Variants in ANAPC13 observed in about 807,000 individuals in gnomAD.
ANAPC13 encodes anaphase promoting complex subunit 13, also known as anaphase-promoting complex subunit 13.
ANAPC13 carries 9 observed loss-of-function variants against 9.6 expected under a neutral mutation model. The observed-to-expected ratio is 0.94, with a 90% CI of 0.57 to 1.64. The LOEUF is 1.64. Among genes scored for constraint, ANAPC13 ranks in the 40% most tolerant of loss-of-function variants. The pLI, the probability that ANAPC13 is intolerant of heterozygous loss-of-function variation, is 0.00. For missense variants in ANAPC13, 75 were observed against 85.3 expected, an observed-to-expected ratio of 0.88 and a Z score of 0.48; for synonymous variants, 30 against 29.7, an observed-to-expected ratio of 1.01 and a Z score of -0.03.
intron 1 of ANAPC13, among the ~76,000 whole-genome samples, chr3:134,484,028 T>G (rs750484733): frequency 6.6e-6 from 1 of 152,240 alleles, no homozygotes; most frequent in Non-Finnish European, 1.5e-5. Flanking sequence ...AGTATGTTCA[T>G]GAGCTCCTGT....
intron 2 of ANAPC13, among the ~76,000 whole-genome samples, chr3:134,482,048 T>G (rs1257038877): frequency 6.6e-6 from 1 of 152,210 alleles, no homozygotes; most frequent in Non-Finnish European, 1.5e-5. Context: ...TAAATGAAAA[T>G]ACAGATGAAC....
At position 134,478,493 on chromosome 3, in the gene ANAPC13, T is replaced by G; in HGVS notation, c.*97A>C. The G allele has an allele frequency of 1.4e-6, 2 of 1,467,222 alleles. No homozygotes were observed. Among genetic ancestry groups the G allele is most frequent in the Non-Finnish European group, 1.8e-6 (2 of 1,086,282 alleles). The allele number at this position is 1,467,222 out of a possible 1,614,324, so 90.9% of individuals were successfully genotyped here. A position where few individuals can be genotyped will look rare whatever the true frequency, so the allele number is the denominator to read the frequency against. The stretch of plus-strand genomic sequence containing the variant: ...TAAATGGGTGTACATTTTTGAGTGC[T>G]GATTTATTACTCAAAGGTTTGAATT... On this transcript the variant is annotated 3_prime_UTR_variant, in exon 3 of 3. Transcript: ENST00000354910.
Position 134,485,969 on chromosome 3 carries a change from G to C in ANAPC13, c.-45C>G, listed in dbSNP as rs948115819. 4.1e-6 allele frequency: 4 copies of C among 971,640 alleles called. No homozygotes were observed. The highest frequency in any genetic ancestry group is 4.8e-5 in the South Asian group (1 of 20,634). 60.2% of individuals were successfully genotyped at this position (971,640 alleles called of 1,614,324 possible). On this transcript the variant is annotated 5_prime_UTR_variant, in exon 1 of 3. Transcript: ENST00000354910. ...ACCCTTACCGGCACCCGGCCACCGC[G>C]GCAGACGCTTGCTCCTGCCACGCCC...
At chr3:134,483,001 TC>T in intron 1 of ANAPC13, 70 bp from the exon 2 acceptor site, 1 of 1,094,022 alleles carries the variant, frequency 9.1e-7, no homozygotes, top group Non-Finnish European at 1.4e-6. Flanking sequence ...ATTAGGATTC[TC>T]CAGGCTTTTT....
chr3:134,481,395 C>T (rs1003606310), intron 2 of ANAPC13, among the ~76,000 whole-genome samples: 1 of 152,184 alleles, frequency 6.6e-6, no homozygotes, highest in Non-Finnish European at 1.5e-5. Context: ...AAACTCTGGG[C>T]CTTTACACAT....
rs564693141 is a variant in ANAPC13, at chr3:134,483,027, T to C, written c.-27-96A>G. On this transcript the variant is annotated intron_variant, in intron 1 of 2. Transcript: ENST00000354910. ...CCAGGCTTTTTAGTCTGGGGCCACC[T>C]TTTGGGAAAAGGTTCATTTTCTCAT... is the stretch of plus-strand genomic sequence containing the variant. 3.6e-6 allele frequency: 3 copies of C among 828,546 alleles called. No individual in the cohort carries two copies. The Admixed American group carries it at 6.5e-5, about 18-fold the overall frequency. 51.3% of individuals were successfully genotyped at this position (828,546 alleles called of 1,614,324 possible).
intron 1 of ANAPC13, chr3:134,483,183 C>T (rs1387050017): frequency 9.6e-6 from 4 of 414,776 alleles, no homozygotes; most frequent in African/African-American, 2.0e-5. Flanking sequence ...GAGAGCAACA[C>T]GTTAAACGAG....
In ANAPC13 at chr3:134,479,406, C is replaced by T. The variant is rs559126904; in HGVS notation, c.100-691G>A. 2.2e-4 allele frequency among the ~76,000 whole-genome samples: 33 copies of T among 152,098 alleles called. 1 individual carries two copies. Among genetic ancestry groups the T allele is most frequent in the Middle Eastern group, 6.8e-3 (2 of 294 alleles). ...AGGTTAGAGAGCAATGGCGTGATCT[C>T]GGCTCACCACAACCTCTGCCTCCCG... On this transcript the variant is annotated intron_variant, in intron 2 of 2. Coordinates refer to ENST00000354910, the MANE Select transcript of ANAPC13 (RefSeq NM_015391.4).
intron 1 of ANAPC13, 31 bp from the exon 2 acceptor site, chr3:134,482,962 C>G: frequency 7.2e-7 from 1 of 1,388,544 alleles, no homozygotes; most frequent in Non-Finnish European, 1.0e-6. Context: ...TTCTTAAACA[C>G]GAAGACTGAA....
rs547781314 is a variant in ANAPC13, at chr3:134,485,933, G to A, written c.-28+19C>T. ...CCCGCGCCTCCAAAACCTAGGCCGG[G>A]GGCGCTGGAAACCCTTACCGGCACC... On this transcript the variant is annotated intron_variant, in intron 1 of 2. Coordinates refer to ENST00000354910, the MANE Select transcript of ANAPC13 (RefSeq NM_015391.4). The A allele has an allele frequency of 2.3e-5, 22 of 966,516 alleles. No individual in the cohort carries two copies. In the African/African-American group the frequency reaches 3.5e-4, roughly 15 times the overall value. The allele number at this position is 966,516 out of a possible 1,614,324, so 59.9% of individuals were successfully genotyped here.
intron 1 of ANAPC13, 29 bp downstream of exon 1, chr3:134,485,923 C>T (rs1250244736): frequency 7.4e-6 from 7 of 951,640 alleles, no homozygotes; most frequent in East Asian, 2.3e-4. Flanking sequence ...GCCTCCAAAA[C>T]CTAGGCCGGG....
rs772895377 is a variant in ANAPC13, at chr3:134,478,552, A to G, written c.*38T>C. ...GAAACAAACCATGCTTTATCTGTGT[A>G]CTTTGAGAAAATCCATCCACAAGAA... On this transcript the variant is annotated 3_prime_UTR_variant, in exon 3 of 3. Coordinates refer to ENST00000354910, the MANE Select transcript of ANAPC13 (RefSeq NM_015391.4). 23 of 1,604,552 alleles carry G rather than the reference A, an allele frequency of 1.4e-5. No individual in the cohort carries two copies. In the Admixed American group the frequency reaches 4.0e-4, roughly 28 times the overall value.
intron 2 of ANAPC13, among the ~76,000 whole-genome samples, chr3:134,479,436 C>G (rs573632541): frequency 1.3e-5 from 2 of 152,232 alleles, no homozygotes; most frequent in South Asian, 4.1e-4. Flanking sequence ...CTCCCGGGTT[C>G]AAGCGATTCT....
At chr3:134,480,882 A>T (rs1216329530) in intron 2 of ANAPC13, among the ~76,000 whole-genome samples, 2 of 152,188 alleles carry the variant, frequency 1.3e-5, no homozygotes, top group Non-Finnish European at 2.9e-5. Flanking sequence ...CTTTGGGGTG[A>T]CTTGTTATGC....
intron 2 of ANAPC13, among the ~76,000 whole-genome samples, chr3:134,479,522 T>C (rs912681737): frequency 6.6e-6 from 1 of 152,148 alleles, no homozygotes; most frequent in Non-Finnish European, 1.5e-5. Flanking sequence ...TTTTTTTATT[T>C]TTTTTTAGTA....
chr3:134,483,166 G>A, intron 1 of ANAPC13: 1 of 469,658 alleles, frequency 2.1e-6, no homozygotes, highest in Non-Finnish European at 3.8e-6. Context: ...GTCATAGAGT[G>A]TGACAGGAGA....
chr3:134,478,526 T>C lies in ANAPC13; in HGVS notation c.*64A>G. Reference sequence around the variant, plus strand: ...TACTCAAAGGTTTGAATTTGGAGACTGAAACAAACCATGCTTTATCTGTGT... The same window carrying C: ...TACTCAAAGGTTTGAATTTGGAGACCGAAACAAACCATGCTTTATCTGTGT... On this transcript the variant is annotated 3_prime_UTR_variant, in exon 3 of 3. Transcript: ENST00000354910. The C allele has an allele frequency of 6.4e-7, 1 of 1,557,582 alleles. No individual in the cohort carries two copies. Among genetic ancestry groups the C allele is most frequent in the Non-Finnish European group, 8.7e-7 (1 of 1,151,066 alleles).
chr3:134,485,957 C>A lies in ANAPC13; in HGVS notation c.-33G>T. 2 of 982,462 alleles carry A rather than the reference C, an allele frequency of 2.0e-6. No individual in the cohort carries two copies. The highest frequency in any genetic ancestry group is 4.7e-5 in the South Asian group (1 of 21,172). The allele number at this position is 982,462 out of a possible 1,614,324, so 60.9% of individuals were successfully genotyped here. On this transcript the variant is annotated 5_prime_UTR_variant, in exon 1 of 3. Transcript: ENST00000354910. ...GGGGCGCTGGAAACCCTTACCGGCA[C>A]CCGGCCACCGCGGCAGACGCTTGCT... is the stretch of plus-strand genomic sequence containing the variant.
upstream of ANAPC13, chr3:134,485,991 G>GCGCCCC: frequency 3.2e-6 from 3 of 938,166 alleles, no homozygotes; most frequent in African/African-American, 1.9e-5. Context: ...CTCCTGCCAC[G>GCGCCCC]CCCCCCCCCC....
Sources: allele counts gnomAD v4.1 joint callset (sites outside exome capture counted in the v4.1 genomes callset), GRCh38; gene constraint gnomAD v4.1.1; transcripts MANE v1.5; gene names NCBI Gene and HGNC (gene_info 2026-07-23, HGNC 2026-07-21).